Variants in ENTREP2 observed in about 807,000 individuals in gnomAD.
ENTREP2 encodes the protein protein ENTREP2.
chr15:29,363,885 C>G, the ENTREP2 span, among the ~76,000 whole-genome samples: 2 of 152,142 alleles, frequency 1.3e-5, no homozygotes, highest in African/African-American at 2.4e-5. Context: ...ATCAATGAAT[C>G]AAACTCCACA....
chr15:29,354,393 T>G, the ENTREP2 span, among the ~76,000 whole-genome samples: 1 of 152,222 alleles, frequency 6.6e-6, no homozygotes, highest in Non-Finnish European at 1.5e-5. Flanking sequence ...ATCAATGTCC[T>G]GTATACCCCA....
At chr15:29,225,841 C>T in the ENTREP2 span, among the ~76,000 whole-genome samples, 1 of 152,200 alleles carries the variant, frequency 6.6e-6, no homozygotes, top group Non-Finnish European at 1.5e-5. Context: ...TCCCTGCATC[C>T]TTTAGGCCTC....
the ENTREP2 span, among the ~76,000 whole-genome samples, chr15:29,227,982 GA>G: frequency 0.36 from 54,367 of 149,916 alleles, 10,449 homozygotes; most frequent in East Asian, 0.6. Context: ...TTGCCGATGA[GA>G]AAAAAAAAAG....
At chr15:29,328,475 T>C in the ENTREP2 span, among the ~76,000 whole-genome samples, 2 of 152,234 alleles carry the variant, frequency 1.3e-5, no homozygotes, top group African/African-American at 4.8e-5. Context: ...TTTTGCAAAA[T>C]GTGACAAAAA....
the ENTREP2 span, among the ~76,000 whole-genome samples, chr15:29,465,213 C>T: frequency 6.6e-6 from 1 of 151,680 alleles, no homozygotes; most frequent in Non-Finnish European, 1.5e-5. Flanking sequence ...GGTGACCAGC[C>T]TTCAAATGTG....
At chr15:29,118,808 C>CTTA in the ENTREP2 span, among the ~76,000 whole-genome samples, 39 of 151,188 alleles carry the variant, frequency 2.6e-4, no homozygotes, top group Admixed American at 2.5e-3. Flanking sequence ...CCAGCACTTA[C>CTTA]CTTTCTTCAT....
chr15:29,464,210 G>C, the ENTREP2 span, among the ~76,000 whole-genome samples: 1 of 151,816 alleles, frequency 6.6e-6, no homozygotes. Context: ...TTATGTTATA[G>C]ATATTTCACC....
the ENTREP2 span, among the ~76,000 whole-genome samples, chr15:29,446,583 G>A: frequency 6.6e-6 from 1 of 152,196 alleles, no homozygotes; most frequent in Non-Finnish European, 1.5e-5. Context: ...GGTGGGGAGT[G>A]AGATCATGGC....
At chr15:29,659,481 A>C in the ENTREP2 span, among the ~76,000 whole-genome samples, 1 of 152,092 alleles carries the variant, frequency 6.6e-6, no homozygotes, top group African/African-American at 2.4e-5. Context: ...AAAAAAATAA[A>C]AAATAATAAT....
At chr15:29,159,363 T>C in the ENTREP2 span, among the ~76,000 whole-genome samples, 2 of 152,112 alleles carry the variant, frequency 1.3e-5, no homozygotes, top group Admixed American at 6.5e-5. Context: ...AAAGGCAAGG[T>C]GGACCGAGAG....
the ENTREP2 span, among the ~76,000 whole-genome samples, chr15:29,511,670 C>T: frequency 6.6e-6 from 1 of 151,688 alleles, no homozygotes; most frequent in Non-Finnish European, 1.5e-5. Context: ...GTATCCTGGC[C>T]TGAAACCTCA....
At chr15:29,522,853 T>G in the ENTREP2 span, among the ~76,000 whole-genome samples, 1 of 152,084 alleles carries the variant, frequency 6.6e-6, no homozygotes, top group Admixed American at 6.5e-5. Context: ...CTGAAAACAG[T>G]TGAAGGTGAT....
At chr15:29,178,361 G>A in the ENTREP2 span, among the ~76,000 whole-genome samples, 1 of 151,362 alleles carries the variant, frequency 6.6e-6, no homozygotes, top group Non-Finnish European at 1.5e-5. Flanking sequence ...CAATGAATTA[G>A]AGAAGACAGA....
At chr15:29,601,142 C>G in the ENTREP2 span, among the ~76,000 whole-genome samples, 1 of 148,830 alleles carries the variant, frequency 6.7e-6, no homozygotes, top group Non-Finnish European at 1.5e-5. Flanking sequence ...CGTGATCCGC[C>G]TGCCTCGGCC....
chr15:29,307,664 A>G, the ENTREP2 span, among the ~76,000 whole-genome samples: 1 of 152,214 alleles, frequency 6.6e-6, no homozygotes, highest in Non-Finnish European at 1.5e-5. Context: ...TAAGATCACA[A>G]GGGTAGGGTC....
the ENTREP2 span, among the ~76,000 whole-genome samples, chr15:29,221,204 C>CT: frequency 0.013 from 1,867 of 143,486 alleles, 18 homozygotes; most frequent in African/African-American, 0.032. Context: ...GCAAATGACA[C>CT]TTTTTTTTTT....
the ENTREP2 span, among the ~76,000 whole-genome samples, chr15:29,560,436 C>G: frequency 1.3e-5 from 2 of 152,126 alleles, no homozygotes; most frequent in Admixed American, 6.5e-5. Flanking sequence ...GAGAGAGAAG[C>G]CTGGGCCCAG....
At chr15:29,466,265 A>G in the ENTREP2 span, among the ~76,000 whole-genome samples, 1 of 152,172 alleles carries the variant, frequency 6.6e-6, no homozygotes, top group Admixed American at 6.5e-5. Flanking sequence ...CAAGAGAACA[A>G]TGATGTCTGC....
the ENTREP2 span, among the ~76,000 whole-genome samples, chr15:29,612,404 C>T: frequency 6.6e-6 from 1 of 151,880 alleles, no homozygotes; most frequent in Non-Finnish European, 1.5e-5. Context: ...CTTGTTGCAA[C>T]ATCCCAGCGT....
Sources: gnomAD v4.1 joint callset for allele counts (sites outside exome capture counted in the v4.1 genomes callset) on GRCh38, gnomAD v4.1.1 for gene constraint, MANE v1.5 for transcripts, NCBI Gene and HGNC (gene_info 2026-07-23, HGNC 2026-07-21) for gene names.